Variants in MID1 observed in about 807,000 individuals in gnomAD.
MID1 encodes the protein E3 ubiquitin-protein ligase Midline-1.
Under a neutral mutation model 40.4 loss-of-function variants are expected in MID1, and 7 were observed. The ratio of observed to expected loss-of-function variants is 0.17; its 90% CI spans 0.10 to 0.33. The LOEUF (loss-of-function observed/expected upper bound fraction) is 0.33, where lower values mean the gene tolerates loss of function less well. MID1 is among the 10% of genes least tolerant of loss of function. The probability of loss-of-function intolerance (pLI) is 1.00; values close to 1 mark genes in which losing one functional copy is unlikely to be tolerated. For missense variants in MID1, 367 were observed against 558.5 expected, an observed-to-expected ratio of 0.66 and a Z score of 3.46; for synonymous variants, 229 against 221.2, an observed-to-expected ratio of 1.04 and a Z score of -0.31.
chrX:10,629,970 CT>C (rs1936034585), intron 1 of MID1, among the ~76,000 whole-genome samples: 1 of 112,121 alleles, frequency 8.9e-6, no homozygotes, highest in African/African-American at 3.2e-5. Context: ...ACTCTCATGC[CT>C]TAACCATATG....
At position 10,798,513 on chromosome X, in the gene MID1, C is replaced by G. The variant is rs2043982540; in HGVS notation, c.-187+35041G>C. ...TGTGACAGCAATTTAGCACTTTGAT[C>G]TCTCACCCCATTTTGCTTCTGTTAT... On this transcript the variant is annotated intron_variant, in intron 1 of 10. Transcript: ENST00000380785. 2.7e-5 allele frequency among the ~76,000 whole-genome samples: 3 copies of G among 111,907 alleles called. No individual in the cohort carries two copies. In the South Asian group the frequency reaches 1.1e-3, roughly 42 times the overall value.
intron 1 of MID1, among the ~76,000 whole-genome samples, chrX:10,625,734 G>T (rs760142165): frequency 8.9e-6 from 1 of 111,880 alleles, no homozygotes; most frequent in Non-Finnish European, 1.9e-5. Context: ...TAATGCAATT[G>T]TTTTCATACC....
At chrX:10,646,560 T>C (rs773367485) in intron 1 of MID1, among the ~76,000 whole-genome samples, 2 of 111,443 alleles carry the variant, frequency 1.8e-5, no homozygotes, top group Admixed American at 9.6e-5. Flanking sequence ...TTCGCCTCCA[T>C]TTCTGCTCAA....
intron 1 of MID1, among the ~76,000 whole-genome samples, chrX:10,717,512 T>C (rs2043314229): frequency 1.8e-5 from 2 of 110,703 alleles, no homozygotes; most frequent in African/African-American, 6.6e-5. Context: ...TAAATATATA[T>C]GCACCCAATA....
chrX:10,813,257 T>C (rs1432313744), intron 1 of MID1, among the ~76,000 whole-genome samples: 1 of 110,117 alleles, frequency 9.1e-6, no homozygotes, highest in East Asian at 2.9e-4. Context: ...CCGAGTTAGA[T>C]TGAGGGATGT....
At chrX:10,764,153 A>G (rs947157970) in intron 1 of MID1, among the ~76,000 whole-genome samples, 17 of 111,939 alleles carry the variant, frequency 1.5e-4, no homozygotes, top group African/African-American at 5.5e-4. Flanking sequence ...TTTGCTGTGC[A>G]GAAGCTCTTT....
At chrX:10,704,372 C>G (rs2147084266) in intron 1 of MID1, among the ~76,000 whole-genome samples, 1 of 110,711 alleles carries the variant, frequency 9.0e-6, no homozygotes, top group South Asian at 3.8e-4. Context: ...TTAAAGAGAG[C>G]TCAGGGACTA....
chrX:10,562,038 G>T (rs924362436), intron 2 of MID1, among the ~76,000 whole-genome samples: 3 of 106,428 alleles, frequency 2.8e-5, no homozygotes, highest in African/African-American at 1.1e-4. Context: ...TACTATGCAG[G>T]CCTGAAAAAG....
At chrX:10,451,764 G>GTAAGACGGGACT (rs1161134128) in intron 9 of MID1, among the ~76,000 whole-genome samples, 95 of 111,738 alleles carry the variant, frequency 8.5e-4, no homozygotes, top group African/African-American at 3.0e-3. Context: ...TGCCATCCAT[G>GTAAGACGGGACT]TAAGACGGGA....
intron 1 of MID1, among the ~76,000 whole-genome samples, chrX:10,709,840 A>G (rs1455280355): frequency 8.9e-6 from 1 of 112,034 alleles, no homozygotes; most frequent in Non-Finnish European, 1.9e-5. Flanking sequence ...TTTAATTGCA[A>G]TGACGATTTT....
At chrX:10,503,644 G>A (rs1931670734) in intron 3 of MID1, among the ~76,000 whole-genome samples, 1 of 112,411 alleles carries the variant, frequency 8.9e-6, no homozygotes, top group Admixed American at 9.4e-5. Context: ...ATGTAATCCT[G>A]CTTTAGCATA....
intron 1 of MID1, among the ~76,000 whole-genome samples, chrX:10,584,453 G>A (rs1004541068): frequency 8.9e-6 from 1 of 111,833 alleles, no homozygotes; most frequent in Non-Finnish European, 1.9e-5. Context: ...CATTGGTTTT[G>A]TCAGTACTTA....
intron 3 of MID1, among the ~76,000 whole-genome samples, chrX:10,511,633 C>T (rs1330253236): frequency 8.9e-6 from 1 of 112,187 alleles, no homozygotes; most frequent in Non-Finnish European, 1.9e-5. Context: ...AAACAATCCT[C>T]CCACCTTGGC....
intron 1 of MID1, among the ~76,000 whole-genome samples, chrX:10,580,664 AT>A (rs907074911): frequency 9.9e-5 from 11 of 111,370 alleles, no homozygotes; most frequent in Non-Finnish European, 1.7e-4. Context: ...AAGTAAAAAA[AT>A]ATGTCTGATT....
intron 1 of MID1, among the ~76,000 whole-genome samples, chrX:10,797,171 A>G (rs1250185779): frequency 1.8e-5 from 2 of 111,534 alleles, no homozygotes; most frequent in African/African-American, 6.5e-5. Flanking sequence ...ATATCTGGGA[A>G]AGCCAGATAT....
chrX:10,682,339 T>C (rs769042222), intron 1 of MID1, among the ~76,000 whole-genome samples: 8 of 106,729 alleles, frequency 7.5e-5, no homozygotes, highest in Non-Finnish European at 1.3e-4. Flanking sequence ...CCTTTCTTTT[T>C]ATCTTTTTTT....
At chrX:10,666,730 C>G (rs904322316) in intron 1 of MID1, among the ~76,000 whole-genome samples, 3 of 111,623 alleles carry the variant, frequency 2.7e-5, no homozygotes, top group Admixed American at 9.6e-5. Flanking sequence ...AGAGGAAAGT[C>G]GAGGAGCTGG....
chrX:10,589,158 T>C (rs1320999225), intron 1 of MID1, among the ~76,000 whole-genome samples: 1 of 111,537 alleles, frequency 9.0e-6, no homozygotes, highest in Non-Finnish European at 1.9e-5. Flanking sequence ...TATCCAGAAA[T>C]CTAAGCCAGG....
chrX:10,682,647 G>A (rs1379651093), intron 1 of MID1, among the ~76,000 whole-genome samples: 1 of 111,358 alleles, frequency 9.0e-6, no homozygotes, highest in East Asian at 2.8e-4. Flanking sequence ...TGAATTAGCA[G>A]GATATAGTTC....
Sources: gnomAD v4.1 joint callset for allele counts (sites outside exome capture counted in the v4.1 genomes callset) on GRCh38, gnomAD v4.1.1 for gene constraint, MANE v1.5 for transcripts, NCBI Gene and HGNC (gene_info 2026-07-23, HGNC 2026-07-21) for gene names.